The following PDE6B variants were observed in gnomAD, a reference collection of about 807,000 sequenced individuals.
PDE6B encodes the protein rod cGMP-specific 3',5'-cyclic phosphodiesterase subunit beta.
PDE6B carries 106 observed loss-of-function variants against 109.0 expected under a neutral mutation model. The observed-to-expected ratio is 0.97, with a 90% CI of 0.83 to 1.14. PDE6B has a LOEUF of 1.14. Among genes scored for constraint, PDE6B ranks in the 50% most tolerant of loss-of-function variants. The probability of loss-of-function intolerance (pLI) is 0.00; values close to 1 mark genes in which losing one functional copy is unlikely to be tolerated. For missense variants in PDE6B, 1,193 were observed against 1,155.6 expected, an observed-to-expected ratio of 1.03 and a Z score of -0.47; for synonymous variants, 490 against 471.3, an observed-to-expected ratio of 1.04 and a Z score of -0.51.
intron 3 of PDE6B, among the ~76,000 whole-genome samples, chr4:646,170 A>G (rs1437797541): frequency 6.6e-6 from 1 of 152,002 alleles, no homozygotes; most frequent in African/African-American, 2.4e-5. Flanking sequence ...GGGCAAGTCC[A>G]CTGGTAACAC....
At chr4:668,518 AG>A (rs1320462321) in intron 21 of PDE6B, among the ~76,000 whole-genome samples, 3 of 86,946 alleles carry the variant, frequency 3.5e-5, no homozygotes, top group Admixed American at 1.2e-4. Context: ...ACCCCATGCT[AG>A]TACCACTACC....
At chr4:638,274 C>G (rs901033532) in intron 3 of PDE6B, among the ~76,000 whole-genome samples, 13 of 152,274 alleles carry the variant, frequency 8.5e-5, no homozygotes, top group African/African-American at 2.6e-4. Context: ...ATCTTTTGCC[C>G]TGTTTGATGG....
intron 3 of PDE6B, among the ~76,000 whole-genome samples, chr4:649,525 C>T (rs530141032): frequency 6.0e-4 from 92 of 152,294 alleles, no homozygotes; most frequent in Non-Finnish European, 1.1e-3. Context: ...AGTGAAGGAG[C>T]GCCATTCTTG....
At position 662,328 on chromosome 4, in the gene PDE6B, G is replaced by C. The variant is rs1577297134; in HGVS notation, c.1722+87G>C. 1.2e-6 allele frequency: 1 copy of C among 856,150 alleles called. No homozygotes were observed. The highest frequency in any genetic ancestry group is 2.6e-5 in the East Asian group (1 of 37,832). The allele number at this position is 856,150 out of a possible 1,614,324, so 53.0% of individuals were successfully genotyped here. A position where few individuals can be genotyped will look rare whatever the true frequency, so the allele number is the denominator to read the frequency against. ...AAGCACCCCGAGGGATGAGATGGGG[G>C]TCCTCCCAGGGCAGAAGGATGGAGG... On this transcript the variant is annotated intron_variant, in intron 13 of 21. Coordinates refer to ENST00000496514, the MANE Select transcript of PDE6B (RefSeq NM_000283.4). This position sits in a 1 kb window ranked among gnomAD's most constrained non-coding sequence, Gnocchi z 4.3.
At position 626,882 on chromosome 4, in the gene PDE6B, T is replaced by G. The variant is rs573037515; in HGVS notation, c.468+788T>G. Among the ~76,000 whole-genome samples, 6 of 152,092 alleles carry G rather than the reference T, an allele frequency of 3.9e-5. No individual in the cohort carries two copies. Among genetic ancestry groups the G allele is most frequent in the African/African-American group, 1.4e-4 (6 of 41,480 alleles). Reference sequence around the variant, plus strand: ...GTGAGGGCAGCGGCCAGCAGAGACCTGGAAAGGCCCTGAGGAGCTGCCCGG... The same window carrying G: ...GTGAGGGCAGCGGCCAGCAGAGACCGGGAAAGGCCCTGAGGAGCTGCCCGG... On this transcript the variant is annotated intron_variant, in intron 1 of 21. Coordinates refer to ENST00000496514, the MANE Select transcript of PDE6B (RefSeq NM_000283.4). This position sits in a 1 kb window ranked among gnomAD's most constrained non-coding sequence, Gnocchi z 4.6.
At chr4:649,696 C>T (rs1285688844) in intron 3 of PDE6B, among the ~76,000 whole-genome samples, 1 of 151,938 alleles carries the variant, frequency 6.6e-6, no homozygotes, top group Non-Finnish European at 1.5e-5. Flanking sequence ...GGGGTTGGGA[C>T]CGCGTAGGCC....
chr4:657,576 G>A, intron 10 of PDE6B, 82 bp downstream of exon 10: 1 of 1,449,544 alleles, frequency 6.9e-7, no homozygotes, highest in Non-Finnish European at 9.6e-7. Context: ...GTCACCCAGG[G>A]GTCTCGGCTG....
At position 665,041 on chromosome 4, in the gene PDE6B, T is replaced by C; in HGVS notation, c.2193+97T>C. ...CCTCGGATGGCAACGGACCATTGTT[T>C]GCAAGGAGCTCTGAGGGCCACCTCG... On this transcript the variant is annotated intron_variant, in intron 18 of 21. Coordinates refer to ENST00000496514, the MANE Select transcript of PDE6B (RefSeq NM_000283.4). This position sits in a 1 kb window ranked among gnomAD's most constrained non-coding sequence, Gnocchi z 4.0. 1 of 1,053,768 alleles carries C rather than the reference T, an allele frequency of 9.5e-7. No individual in the cohort carries two copies. 65.3% of individuals were successfully genotyped at this position (1,053,768 alleles called of 1,614,324 possible).
intron 3 of PDE6B, among the ~76,000 whole-genome samples, chr4:639,789 G>A (rs1033148812): frequency 2.0e-5 from 3 of 152,060 alleles, no homozygotes; most frequent in African/African-American, 7.2e-5. Context: ...TGGGCAACAC[G>A]GTGAAACCCT....
At chr4:634,905 G>C in intron 2 of PDE6B, 76 bp downstream of exon 2, 2 of 1,298,628 alleles carry the variant, frequency 1.5e-6, no homozygotes, top group East Asian at 4.7e-5. Flanking sequence ...TCTGTGCTGC[G>C]CATCCACCTC....
At position 635,883 on chromosome 4, in the gene PDE6B, T is replaced by C; in HGVS notation, c.625T>C (p.Phe209Leu). The C allele has an allele frequency of 6.6e-7, 1 of 1,515,576 alleles. No individual in the cohort carries two copies. The highest frequency in any genetic ancestry group is 9.2e-7 in the Non-Finnish European group (1 of 1,090,118). 93.9% of individuals were successfully genotyped at this position (1,515,576 alleles called of 1,614,324 possible). The change falls in exon 3 of 22, where the codon TTC becomes CTC. Residue 209 changes from phenylalanine to leucine, a missense_variant. Phe to Leu is a conservative substitution (Grantham distance 22). Transcript: ENST00000496514. ...CTTGTTGCAATTCCTGTTTCAGGTG[T>C]TCTTGAAGTACCTGAATTTTGCCAC... Reference protein sequence around the residue: ...PFFTSEDEDVFLKYLNFATLY... With the variant: ...PFFTSEDEDVLLKYLNFATLY...
At chr4:638,239 A>C (rs1008963782) in intron 3 of PDE6B, among the ~76,000 whole-genome samples, 1 of 152,182 alleles carries the variant, frequency 6.6e-6, no homozygotes, top group Non-Finnish European at 1.5e-5. Context: ...TGTACATCTT[A>C]ATCTTTGGTG....
intron 21 of PDE6B, among the ~76,000 whole-genome samples, chr4:668,510 C>A (rs1192958102): frequency 2.8e-5 from 4 of 142,182 alleles, no homozygotes; most frequent in Non-Finnish European, 6.2e-5. Context: ...ATTCCCCTAC[C>A]CCATGCTAGT....
At position 663,297 on chromosome 4, in the gene PDE6B, G is replaced by A; in HGVS notation, c.1920+110G>A. ...GGTTCTGATGCAGCGGGTGAGCACT[G>A]GGTGTGTGAGCACTGGGGGAGGGCG... On this transcript the variant is annotated intron_variant, in intron 15 of 21. Transcript: ENST00000496514. This position sits in a 1 kb window ranked among gnomAD's most constrained non-coding sequence, Gnocchi z 4.0. 1.3e-6 allele frequency: 1 copy of A among 744,596 alleles called. No individual in the cohort carries two copies. Among genetic ancestry groups the A allele is most frequent in the Non-Finnish European group, 2.5e-6 (1 of 404,942 alleles). 46.1% of individuals were successfully genotyped at this position (744,596 alleles called of 1,614,324 possible).
At chr4:650,137 T>C (rs4292282) in intron 3 of PDE6B, among the ~76,000 whole-genome samples, 151,549 of 152,316 alleles carry the variant, frequency 0.99, 75,400 homozygotes, top group Middle Eastern at 1. Context: ...GGCACGGGCT[T>C]GGGGCAGGAG....
In PDE6B at chr4:640,746, T is replaced by C. The variant is rs188596521; in HGVS notation, c.711+4777T>C. ...GCATCTAGATTAATTTTTTGTGTTG[T>C]TGTTGGCATGTGGAAGTCCAGTTGA... On this transcript the variant is annotated intron_variant, in intron 3 of 21. Transcript: ENST00000496514. 1.9e-3 allele frequency among the ~76,000 whole-genome samples: 282 copies of C among 152,334 alleles called. 2 individuals carry two copies. Among genetic ancestry groups the C allele is most frequent in the Non-Finnish European group, 2.5e-3 (170 of 68,032 alleles).
In PDE6B at chr4:666,633, T is replaced by G; in HGVS notation, c.2352+19T>G. On this transcript the variant is annotated intron_variant, in intron 20 of 21. Transcript: ENST00000496514. This position sits in a 1 kb window ranked among gnomAD's most constrained non-coding sequence, Gnocchi z 5.6. ...GTACAAGGCGAGTGGTTCACGGGTG[T>G]TCCGAGCTGACTGGGGCAGGGTGGC... 1 of 1,562,748 alleles carries G rather than the reference T, an allele frequency of 6.4e-7. No homozygotes were observed. Among genetic ancestry groups the G allele is most frequent in the Non-Finnish European group, 8.8e-7 (1 of 1,133,662 alleles).
chr4:653,575 C>T (rs1735794609), intron 3 of PDE6B: 7 of 560,800 alleles, frequency 1.2e-5, no homozygotes, highest in South Asian at 1.0e-4. Flanking sequence ...AAGCTCAAAG[C>T]GACAGATTCC....
chr4:649,046 G>A (rs979606251), intron 3 of PDE6B, among the ~76,000 whole-genome samples: 6 of 152,160 alleles, frequency 3.9e-5, no homozygotes, highest in Non-Finnish European at 7.4e-5. Flanking sequence ...GGCCAACTTC[G>A]GACTTAGGGC....
Sources: gnomAD v4.1 joint callset for allele counts (sites outside exome capture counted in the v4.1 genomes callset) on GRCh38, gnomAD v4.1.1 for gene constraint, Gnocchi (gnomAD v3.1) non-coding constraint, MANE v1.5 for transcripts, NCBI Gene and HGNC (gene_info 2026-07-23, HGNC 2026-07-21) for gene names.